ERC1: variants seen among roughly 807,000 people sequenced by gnomAD.
ERC1 encodes ELKS/RAB6-interacting/CAST family member 1, also known as RAB6 interacting protein 2.
ERC1 carries 56 observed loss-of-function variants against 132.0 expected under a neutral mutation model. The observed-to-expected ratio is 0.42, with a 90% CI of 0.34 to 0.53. ERC1 has a LOEUF of 0.53. ERC1 is among the 20% of genes least tolerant of loss of function. ERC1 has a pLI of 0.03. For missense variants in ERC1, 1,202 were observed against 1,349.9 expected (o/e 0.89, Z 1.72); for synonymous variants, 478 against 476.1 (o/e 1.00, Z -0.05).
intron 15 of ERC1, among the ~76,000 whole-genome samples, chr12:1,366,691 G>A (rs1050557845): frequency 2.0e-5 from 3 of 152,104 alleles, no homozygotes; most frequent in Non-Finnish European, 4.4e-5. Flanking sequence ...TCAGAGAAGA[G>A]GCTTTAAGAA....
intron 12 of ERC1, among the ~76,000 whole-genome samples, chr12:1,231,225 A>G (rs910800805): frequency 6.6e-6 from 1 of 151,500 alleles, no homozygotes; most frequent in Non-Finnish European, 1.5e-5. Flanking sequence ...TGTGGTTACT[A>G]TGAGGGTTAC....
At position 1,296,091 on chromosome 12, in the gene ERC1, T is replaced by C. The variant is rs142027343; in HGVS notation, c.2780+6079T>C. ...AATGTCATGTTGATGATGGAATAGA[T>C]AGGAAATCTCAACAGAGAAAGGAAA... On this transcript the variant is annotated intron_variant, in intron 15 of 18. Coordinates refer to ENST00000360905, the MANE Select transcript of ERC1 (RefSeq NM_178040.4). Among the ~76,000 whole-genome samples the C allele has an allele frequency of 4.4e-3, 667 of 150,314 alleles. 6 individuals carry two copies. The highest frequency in any genetic ancestry group is 0.016 in the African/African-American group (645 of 40,864).
intron 8 of ERC1, among the ~76,000 whole-genome samples, chr12:1,154,850 A>G (rs1951215709): frequency 2.0e-5 from 3 of 152,226 alleles, no homozygotes; most frequent in Non-Finnish European, 4.4e-5. Flanking sequence ...TTAAAATGAC[A>G]GTGAGATACC....
At chr12:1,076,049 A>G (rs1014759317) in intron 2 of ERC1, among the ~76,000 whole-genome samples, 1 of 152,242 alleles carries the variant, frequency 6.6e-6, no homozygotes, top group African/African-American at 2.4e-5. Flanking sequence ...AATATATTGC[A>G]TGTAAAATAA....
chr12:1,334,655 C>T (rs1338754237), intron 15 of ERC1, among the ~76,000 whole-genome samples: 2 of 152,184 alleles, frequency 1.3e-5, no homozygotes, highest in South Asian at 2.1e-4. Flanking sequence ...AGTTTGAAGT[C>T]AGGTAGCGTG....
At position 1,489,387 on chromosome 12, in the gene ERC1, G is replaced by A. The variant is rs150257691; in HGVS notation, c.3214-706G>A. ...AGCACATGCTCAAGCCTCAGCTGCGGCCTCACTCTGCTGGGTGGTCGTTTA... is the reference window on the plus strand; with the variant it reads ...AGCACATGCTCAAGCCTCAGCTGCGACCTCACTCTGCTGGGTGGTCGTTTA... On this transcript the variant is annotated intron_variant, in intron 18 of 18. Coordinates refer to ENST00000360905, the MANE Select transcript of ERC1 (RefSeq NM_178040.4). Among the ~76,000 whole-genome samples, 371 of 152,326 alleles carry A rather than the reference G, an allele frequency of 2.4e-3. 3 individuals are homozygous for A. The highest frequency in any genetic ancestry group is 8.7e-3 in the African/African-American group (362 of 41,578).
chr12:1,386,738 C>G (rs897902477), intron 16 of ERC1: 1 of 151,934 alleles, frequency 6.6e-6, no homozygotes, highest in East Asian at 1.9e-4. Flanking sequence ...GCATCTACAT[C>G]CAGGAAGCAG....
chr12:1,390,821 G>C (rs2089899523), intron 16 of ERC1: 1 of 151,986 alleles, frequency 6.6e-6, no homozygotes, highest in Admixed American at 6.5e-5. Flanking sequence ...TTAAGTTGAG[G>C]TCACTTCCAG....
chr12:1,471,242 C>A (rs973065807), intron 18 of ERC1, among the ~76,000 whole-genome samples: 1 of 152,170 alleles, frequency 6.6e-6, no homozygotes, highest in Non-Finnish European at 1.5e-5. Context: ...CTGAGCAACA[C>A]AGCGAGACCC....
chr12:1,304,492 G>C (rs1055039737), intron 15 of ERC1, among the ~76,000 whole-genome samples: 2 of 152,214 alleles, frequency 1.3e-5, no homozygotes, highest in African/African-American at 4.8e-5. Flanking sequence ...CTGAGGTTTA[G>C]AGATAGTCTT....
chr12:1,382,770 A>G (rs12298336), intron 16 of ERC1, among the ~76,000 whole-genome samples: 17,355 of 152,258 alleles, frequency 0.11, 2,442 homozygotes, highest in African/African-American at 0.33. Flanking sequence ...AACGTGTGTA[A>G]AGATTGTTTA....
intron 17 of ERC1, chr12:1,444,064 GAA>G (rs2093236081): frequency 6.5e-6 from 1 of 152,756 alleles, no homozygotes; most frequent in Non-Finnish European, 1.5e-5. Flanking sequence ...TCTTGGCCAA[GAA>G]AAACATGCAC....
At chr12:1,051,124 CAA>C (rs1205844760) in intron 2 of ERC1, among the ~76,000 whole-genome samples, 1 of 152,118 alleles carries the variant, frequency 6.6e-6, no homozygotes, top group Non-Finnish European at 1.5e-5. Context: ...GAACTAGAGA[CAA>C]AAAGTTTCAC....
At chr12:1,407,675 CAG>C (rs1223811978) in intron 16 of ERC1, among the ~76,000 whole-genome samples, 3 of 152,156 alleles carry the variant, frequency 2.0e-5, no homozygotes, top group Admixed American at 6.5e-5. Context: ...CTTAATCAAA[CAG>C]AAATTTATTT....
intron 1 of ERC1, among the ~76,000 whole-genome samples, chr12:992,405 G>A (rs544441047): frequency 6.6e-6 from 1 of 152,314 alleles, no homozygotes; most frequent in Admixed American, 6.5e-5. Flanking sequence ...GTCTTTTATA[G>A]CGTGTTGCTT....
intron 16 of ERC1, among the ~76,000 whole-genome samples, chr12:1,388,064 A>G (rs2089563141): frequency 6.6e-6 from 1 of 152,204 alleles, no homozygotes; most frequent in East Asian, 1.9e-4. Flanking sequence ...CTAAGAGACT[A>G]ATAAGAGTTA....
chr12:1,183,298 G>A lies in ERC1; in HGVS notation c.2034G>A (p.Leu678=), dbSNP rs1004112071. 9 of 1,564,164 alleles carry A rather than the reference G, an allele frequency of 5.8e-6. No individual in the cohort carries two copies. The highest frequency in any genetic ancestry group is 1.7e-4 in the Middle Eastern group (1 of 5,840). ...LSEKEASLLD[L]KEHASSLASS... is the part of the protein sequence containing the mutation. ...TCTTTTAGGCTTCACTTTTGGATCT[G>A]AAAGAGCATGCTTCTTCTCTGGCAT... The change falls in exon 11 of 19, where the codon CTG becomes CTA. Residue 678 remains leucine (L), a synonymous_variant. Transcript: ENST00000360905.
intron 12 of ERC1, among the ~76,000 whole-genome samples, chr12:1,218,367 C>T (rs908418882): frequency 2.0e-5 from 3 of 152,136 alleles, no homozygotes; most frequent in African/African-American, 7.2e-5. Context: ...CACAAGTGTA[C>T]TAACCTGCCT....
chr12:1,308,833 G>T lies in ERC1; in HGVS notation c.2780+18821G>T, dbSNP rs925605829. Among the ~76,000 whole-genome samples the T allele has an allele frequency of 5.9e-5, 9 of 152,264 alleles. 1 individual carries two copies. In the East Asian group the frequency reaches 1.7e-3, roughly 29 times the overall value. On this transcript the variant is annotated intron_variant, in intron 15 of 18. Coordinates refer to ENST00000360905, the MANE Select transcript of ERC1 (RefSeq NM_178040.4). ...TTAGTCACAGTGCTGCGGTCTGAATGGTTATGTCCCCCCAAAATTCATGTG... is the reference window on the plus strand; with the variant it reads ...TTAGTCACAGTGCTGCGGTCTGAATTGTTATGTCCCCCCAAAATTCATGTG...
Sources: gnomAD v4.1 joint callset for allele counts (sites outside exome capture counted in the v4.1 genomes callset) on GRCh38, gnomAD v4.1.1 for gene constraint, MANE v1.5 for transcripts, NCBI Gene and HGNC (gene_info 2026-07-23, HGNC 2026-07-21) for gene names.